FCSK: variants seen among roughly 807,000 people sequenced by gnomAD.
FCSK encodes L-fucose kinase.
A neutral mutation model predicts 122.5 loss-of-function variants in FCSK; 123 were observed. The ratio of observed to expected loss-of-function variants is 1.00; its 90% CI spans 0.87 to 1.17. The LOEUF (loss-of-function observed/expected upper bound fraction) is 1.17, where lower values mean the gene tolerates loss of function less well. Among genes scored for constraint, FCSK ranks in the 50% most tolerant of loss-of-function variants. FCSK has a pLI of 0.00. For missense variants in FCSK, 1,366 were observed against 1,450.4 expected (o/e 0.94, Z 0.95); for synonymous variants, 620 against 625.5 (o/e 0.99, Z 0.13).
In FCSK at chr16:70,474,952, T is replaced by C; in HGVS notation, c.2318T>C (p.Val773Ala). ...GGGCCTCGGCAGGATGAGATGACTG[T>C]GAAGATAGTGTGCCGGTGCCTGGCT... ...AVGPRQDEMT[V>A]KIVCRCLADL... Residue 773 changes from valine to alanine, a missense_variant, in exon 18 of 24, where the codon GTG becomes GCG. Coordinates refer to ENST00000288078, the MANE Select transcript of FCSK (RefSeq NM_145059.3). 6.2e-7 allele frequency: 1 copy of C among 1,611,504 alleles called. No homozygotes were observed. Among genetic ancestry groups the C allele is most frequent in the Non-Finnish European group, 8.5e-7 (1 of 1,179,272 alleles).
At chr16:70,459,539 G>T (rs13338441) in intron 1 of FCSK, among the ~76,000 whole-genome samples, 16 of 151,294 alleles carry the variant, frequency 1.1e-4, no homozygotes, top group South Asian at 8.3e-4. Flanking sequence ...CTCCATCTCA[G>T]AAAGAAAAAA....
chr16:70,468,364 G>A (rs1467862376), intron 8 of FCSK, among the ~76,000 whole-genome samples: 1 of 152,208 alleles, frequency 6.6e-6, no homozygotes, highest in Admixed American at 6.5e-5. Flanking sequence ...AGGTTGCGGT[G>A]AGCAGAGATC....
chr16:70,478,948 G>A, intron 22 of FCSK: 2 of 681,372 alleles, frequency 2.9e-6, no homozygotes, highest in Non-Finnish European at 2.7e-6. Context: ...CCAGTGTGTG[G>A]CTTCACAGCT....
At chr16:70,457,198 T>C (rs1276992698) in intron 1 of FCSK, among the ~76,000 whole-genome samples, 1 of 152,132 alleles carries the variant, frequency 6.6e-6, no homozygotes, top group Non-Finnish European at 1.5e-5. Context: ...CATGTCTCTC[T>C]ATCACTATGC....
rs896150021 is a variant in FCSK, at chr16:70,467,726, T to A, written c.583-160T>A. 3 of 668,908 alleles carry A rather than the reference T, an allele frequency of 4.5e-6. 1 individual carries two copies. The highest frequency in any genetic ancestry group is 3.6e-5 in the South Asian group (2 of 56,216). 41.4% of individuals were successfully genotyped at this position (668,908 alleles called of 1,614,324 possible). A position where few individuals can be genotyped will look rare whatever the true frequency, so the allele number is the denominator to read the frequency against. On this transcript the variant is annotated intron_variant, in intron 7 of 23. Coordinates refer to ENST00000288078, the MANE Select transcript of FCSK (RefSeq NM_145059.3). ...CTTTAAAGCCTGCCCTCTGCCATCA[T>A]GGAGTAGAAATCTCAGGCCCCCCCT...
chr16:70,472,516 C>T (rs1160205541), intron 13 of FCSK, 25 bp from the exon 14 acceptor site: 3 of 1,604,158 alleles, frequency 1.9e-6, no homozygotes, highest in African/African-American at 2.7e-5. Flanking sequence ...CCCTGCAGCC[C>T]TGACTGCTTC....
rs1567702190 is a variant in FCSK at position 70,469,305 on chromosome 16, GAT to G, written c.938_939del (p.Asp313AlafsTer22). ...ARAQLWRELR[D>X]QPLTMAYVSS... ...GGCCCAGCTGTGGAGGGAGCTTCGC[GAT>G]CAGCCCCTTACCATGGGTGGGTACT... On this transcript the variant is annotated frameshift_variant, in exon 10 of 24. Coordinates refer to ENST00000288078, the MANE Select transcript of FCSK (RefSeq NM_145059.3). LOFTEE classifies it high-confidence loss of function. The G allele has an allele frequency of 1.9e-6, 3 of 1,604,460 alleles. No homozygotes were observed. In the Admixed American group the frequency reaches 5.0e-5, roughly 27 times the overall value.
chr16:70,460,285 G>A (rs539039203), intron 1 of FCSK, among the ~76,000 whole-genome samples: 1 of 150,016 alleles, frequency 6.7e-6, no homozygotes, highest in South Asian at 2.1e-4. Flanking sequence ...CTAATTTTTT[G>A]TATTTTTAGT....
Position 70,478,424 on chromosome 16 carries a change from A to G in FCSK, c.2794A>G (p.Thr932Ala), listed in dbSNP as rs532339080. Residue 932 changes from threonine (T) to alanine (A), a missense_variant, in exon 21 of 24, where the codon ACT becomes GCT. Physicochemically the swap from Thr to Ala is moderately conservative, Grantham distance 58. Coordinates refer to ENST00000288078, the MANE Select transcript of FCSK (RefSeq NM_145059.3). Reference sequence around the variant, plus strand: ...CAATGACCACCTGCTCTTGGTGTACACTGGCAAGACCCGCCTGGCTCGGAA... The same window carrying G: ...CAATGACCACCTGCTCTTGGTGTACGCTGGCAAGACCCGCCTGGCTCGGAA... ...KLNDHLLLVY[T>A]GKTRLARNLL... 1.2e-5 allele frequency: 20 copies of G among 1,613,974 alleles called. No homozygotes were observed. Among genetic ancestry groups the G allele is most frequent in the Non-Finnish European group, 1.5e-5 (18 of 1,180,040 alleles).
intron 14 of FCSK, 133 bp downstream of exon 14, chr16:70,472,738 C>T (rs1254801367): frequency 2.4e-6 from 2 of 840,456 alleles, no homozygotes; most frequent in South Asian, 1.8e-5. Context: ...TGGTTTTGGG[C>T]AGCCGGATTC....
intron 1 of FCSK, among the ~76,000 whole-genome samples, chr16:70,461,688 G>C (rs1425447208): frequency 2.6e-5 from 4 of 152,236 alleles, no homozygotes; most frequent in African/African-American, 7.2e-5. Context: ...GAGGAGCCTG[G>C]GGGGTGGGGT....
chr16:70,455,112 G>A (rs973111506), intron 1 of FCSK, among the ~76,000 whole-genome samples: 2 of 152,190 alleles, frequency 1.3e-5, no homozygotes, highest in African/African-American at 4.8e-5. Context: ...TATTTAGAAG[G>A]CAGCAAGTCA....
chr16:70,473,976 C>T lies in FCSK; in HGVS notation c.1778-153C>T, dbSNP rs922618312. On this transcript the variant is annotated intron_variant, in intron 15 of 23. Coordinates refer to ENST00000288078, the MANE Select transcript of FCSK (RefSeq NM_145059.3). This position sits in a 1 kb window ranked among gnomAD's most constrained non-coding sequence, Gnocchi z 4.9. ...GAGATGATCTCTGCCAGGCAGAGAGCAGGAGTGCAGTTACAGTCAAAGATA... is the reference window on the plus strand; with the variant it reads ...GAGATGATCTCTGCCAGGCAGAGAGTAGGAGTGCAGTTACAGTCAAAGATA... Among the ~76,000 whole-genome samples the T allele has an allele frequency of 6.6e-6, 1 of 152,174 alleles. No individual in the cohort carries two copies. The highest frequency in any genetic ancestry group is 2.4e-5 in the African/African-American group (1 of 41,438).
chr16:70,458,843 A>G (rs1304396831), intron 1 of FCSK, among the ~76,000 whole-genome samples: 1 of 152,110 alleles, frequency 6.6e-6, no homozygotes, highest in Admixed American at 6.6e-5. Context: ...TGCTTTACAT[A>G]TATTTCCTCC....
At chr16:70,462,548 A>G (rs17884146) in intron 1 of FCSK, among the ~76,000 whole-genome samples, 6,228 of 152,160 alleles carry the variant, frequency 0.041, 444 homozygotes, top group African/African-American at 0.14. Context: ...CTGGTCTCGA[A>G]CTCCTGACCT....
At chr16:70,456,872 T>C (rs536886501) in intron 1 of FCSK, among the ~76,000 whole-genome samples, 1 of 151,774 alleles carries the variant, frequency 6.6e-6, no homozygotes, top group South Asian at 2.1e-4. Context: ...TACAAAAAAT[T>C]ATCCAGGCAT....
intron 3 of FCSK, among the ~76,000 whole-genome samples, chr16:70,464,417 C>G (rs1398774561): frequency 6.6e-6 from 1 of 151,986 alleles, no homozygotes; most frequent in Non-Finnish European, 1.5e-5. Flanking sequence ...TTTGGGAGGC[C>G]GAGGTGGGTG....
chr16:70,462,717 C>T (rs1465769435), intron 1 of FCSK, among the ~76,000 whole-genome samples: 1 of 151,746 alleles, frequency 6.6e-6, no homozygotes, highest in Admixed American at 6.6e-5. Flanking sequence ...CGATCTTGGC[C>T]CACTGCAGCC....
chr16:70,476,085 C>G (rs891275162), intron 20 of FCSK: 6 of 185,784 alleles, frequency 3.2e-5, no homozygotes, highest in Admixed American at 3.1e-4. Context: ...TCGCTGCAAG[C>G]TCTGCCTCCC....
Sources: allele counts gnomAD v4.1 joint callset (sites outside exome capture counted in the v4.1 genomes callset), GRCh38; gene constraint gnomAD v4.1.1; non-coding constraint Gnocchi (gnomAD v3.1); transcripts MANE v1.5; gene names NCBI Gene and HGNC (gene_info 2026-07-23, HGNC 2026-07-21).